RAF1: variants seen among roughly 807,000 people sequenced by gnomAD.
RAF1 encodes Raf-1 proto-oncogene, serine/threonine kinase.
A neutral mutation model predicts 81.1 loss-of-function variants in RAF1; 27 were observed. The observed-to-expected ratio is 0.33, with a 90% CI of 0.25 to 0.46. The LOEUF (loss-of-function observed/expected upper bound fraction) is 0.46, where lower values mean the gene tolerates loss of function less well. Among genes scored for constraint, RAF1 ranks in the 20% least tolerant of loss-of-function variants. The pLI, the probability that RAF1 is intolerant of heterozygous loss-of-function variation, is 1.00. For synonymous variants in RAF1, 298 were observed against 294.0 expected, an observed-to-expected ratio of 1.01 and a Z score of -0.14; for missense variants, 598 against 826.0, an observed-to-expected ratio of 0.72 and a Z score of 3.38.
At chr3:12,600,313 G>A in intron 9 of RAF1, 34 bp from the exon 9 acceptor site, 1 of 1,614,144 alleles carries the variant, frequency 6.2e-7, no homozygotes, top group South Asian at 1.1e-5. Flanking sequence ...GCCACACAAG[G>A]ATAAGCCAAC....
chr3:12,605,247 A>ATT (rs2058986434), intron 6 of RAF1, among the ~76,000 whole-genome samples: 2 of 85,412 alleles, frequency 2.3e-5, no homozygotes, highest in African/African-American at 1.0e-4. Flanking sequence ...CTGATTACAC[A>ATT]TTATGTGTGT....
At chr3:12,584,759 A>G (rs1575530001) in intron 17 of RAF1, 88 bp downstream of exon 16, 1 of 1,612,430 alleles carries the variant, frequency 6.2e-7, no homozygotes, top group Non-Finnish European at 8.5e-7. Context: ...CCCTCCCTAT[A>G]AAACAAAACA....
At chr3:12,614,724 C>T (rs891803138) in intron 2 of RAF1, among the ~76,000 whole-genome samples, 1 of 152,040 alleles carries the variant, frequency 6.6e-6, no homozygotes, top group Non-Finnish European at 1.5e-5. Flanking sequence ...CTGCACCCAG[C>T]CTGTATATAT....
At position 12,624,903 on chromosome 3, in the gene RAF1, C is replaced by A. The variant is rs9758339; in HGVS notation, c.-26-6156G>T. 9.9e-3 allele frequency among the ~76,000 whole-genome samples: 1,241 copies of A among 125,870 alleles called. 22 individuals carry two copies. Among genetic ancestry groups the A allele is most frequent in the African/African-American group, 0.034 (1,094 of 31,936 alleles). 82.6% of individuals were successfully genotyped at this position (125,870 alleles called of 152,430 possible). On this transcript the variant is annotated intron_variant, in intron 1 of 17. Transcript: ENST00000442415. The stretch of plus-strand genomic sequence containing the variant: ...TCCAACTCAAAAAAAAAAAAAAAAA[C>A]AAAAACAAAAACAAGGAGCTCCTAA...
intron 8 of RAF1, among the ~76,000 whole-genome samples, chr3:12,600,901 T>G (rs984472304): frequency 5.9e-5 from 9 of 152,224 alleles, no homozygotes; most frequent in African/African-American, 2.2e-4. Context: ...CCACATTCTT[T>G]TTCTCAAAAG....
intron 2 of RAF1, among the ~76,000 whole-genome samples, chr3:12,616,912 C>T (rs966286850): frequency 6.6e-6 from 1 of 152,122 alleles, no homozygotes; most frequent in Non-Finnish European, 1.5e-5. Flanking sequence ...TTTGTTTTAT[C>T]CATAATAGTA....
chr3:12,628,746 A>C (rs2059779602), intron 1 of RAF1, among the ~76,000 whole-genome samples: 1 of 34,390 alleles, frequency 2.9e-5, no homozygotes, highest in Non-Finnish European at 5.3e-5. Context: ...ACCTGAGACT[A>C]TTTTTGGGGG....
chr3:12,619,615 A>G (rs1246535562), intron 1 of RAF1, among the ~76,000 whole-genome samples: 5 of 151,638 alleles, frequency 3.3e-5, no homozygotes, highest in African/African-American at 1.2e-4. Flanking sequence ...AGGTCTCAAG[A>G]CTTCTAGTCT....
intron 1 of RAF1, among the ~76,000 whole-genome samples, chr3:12,637,834 T>C (rs572144749): frequency 4.3e-4 from 66 of 152,156 alleles, no homozygotes; most frequent in African/African-American, 1.5e-3. Context: ...GCCTGGGCGA[T>C]AGAGCAAGAC....
chr3:12,663,556 G>T (rs1196290136), intron 1 of RAF1, among the ~76,000 whole-genome samples: 1 of 152,226 alleles, frequency 6.6e-6, no homozygotes, highest in African/African-American at 2.4e-5. Context: ...ATGGCATAAG[G>T]GTGGCGTTGG....
chr3:12,585,358 T>C, intron 15 of RAF1, 105 bp from the exon 15 acceptor site: 1 of 1,569,778 alleles, frequency 6.4e-7, no homozygotes, highest in Non-Finnish European at 8.6e-7. Flanking sequence ...AATGAGTCCA[T>C]TCTTCAGTCC....
At chr3:12,632,193 G>A (rs769460835) in intron 1 of RAF1, among the ~76,000 whole-genome samples, 3 of 151,890 alleles carry the variant, frequency 2.0e-5, no homozygotes, top group East Asian at 1.9e-4. Flanking sequence ...ACACAGTGGC[G>A]CATGCCTGTA....
intron 1 of RAF1, among the ~76,000 whole-genome samples, chr3:12,619,457 G>C (rs1440707648): frequency 6.6e-6 from 1 of 151,610 alleles, no homozygotes; most frequent in Non-Finnish European, 1.5e-5. Context: ...CCAGCTACTA[G>C]GGAGGCTGAG....
intron 2 of RAF1, among the ~76,000 whole-genome samples, chr3:12,613,457 T>C (rs933864337): frequency 9.9e-5 from 14 of 141,024 alleles, no homozygotes; most frequent in African/African-American, 3.4e-4. Context: ...GTGGTGAGTG[T>C]ATGCATATAT....
At chr3:12,608,662 G>A in intron 5 of RAF1, 104 bp downstream of exon 5, 1 of 1,262,538 alleles carries the variant, frequency 7.9e-7, no homozygotes, top group Middle Eastern at 2.1e-4. Flanking sequence ...TTCATTAAAT[G>A]AGTCTAGAAT....
At position 12,603,326 on chromosome 3, in the gene RAF1, A is replaced by C. The variant is rs985323489; in HGVS notation, c.894+152T>G. On this transcript the variant is annotated intron_variant, in intron 8 of 17. Coordinates refer to ENST00000442415, the MANE Select transcript of RAF1 (RefSeq NM_001354689.3). ...ATACTCTACTGCCAAAAAAAATTTT[A>C]AAAAGAAAGAAAGAAAAAGAAAACA... Among the ~76,000 whole-genome samples, 7 of 152,220 alleles carry C rather than the reference A, an allele frequency of 4.6e-5. No individual in the cohort carries two copies. The South Asian group carries it at 1.0e-3, about 22-fold the overall frequency.
chr3:12,643,798 C>T (rs909136630), intron 1 of RAF1, among the ~76,000 whole-genome samples: 2 of 151,926 alleles, frequency 1.3e-5, no homozygotes, highest in Admixed American at 1.3e-4. Context: ...TGTGCAATTC[C>T]TAATAAATTG....
intron 1 of RAF1, among the ~76,000 whole-genome samples, chr3:12,662,900 C>G (rs2125598571): frequency 6.6e-6 from 1 of 152,120 alleles, no homozygotes; most frequent in Middle Eastern, 3.4e-3. Flanking sequence ...CCACTCAGCC[C>G]ACAGAGGACC....
At chr3:12,634,864 C>A (rs889858244) in intron 1 of RAF1, among the ~76,000 whole-genome samples, 5 of 152,072 alleles carry the variant, frequency 3.3e-5, no homozygotes, top group Admixed American at 6.6e-5. Context: ...GGTAGCTGAA[C>A]AACATTAATA....
Sources: allele counts gnomAD v4.1 joint callset (sites outside exome capture counted in the v4.1 genomes callset), GRCh38; gene constraint gnomAD v4.1.1; transcripts MANE v1.5; gene names NCBI Gene and HGNC (gene_info 2026-07-23, HGNC 2026-07-21).